Variants in FGF1 observed in about 807,000 individuals in gnomAD.
The protein encoded by FGF1 is fibroblast growth factor 1.
FGF1 carries 9 observed loss-of-function variants against 13.4 expected under a neutral mutation model. That is an observed-to-expected ratio of 0.67 (90% CI 0.40 to 1.17). The LOEUF (loss-of-function observed/expected upper bound fraction) is 1.17. Ranked by LOEUF, FGF1 falls within the 50% of genes most tolerant of loss-of-function variation. The probability of loss-of-function intolerance (pLI) is 0.01; values close to 1 mark genes in which losing one functional copy is unlikely to be tolerated. For missense variants in FGF1, 156 were observed against 192.7 expected (o/e 0.81, Z 1.13); for synonymous variants, 93 against 79.0 (o/e 1.18, Z -0.94).
At position 142,663,579 on chromosome 5, in the gene FGF1, G is replaced by A. The variant is rs755979091; in HGVS notation, c.-35+22378C>T. On this transcript the variant is annotated intron_variant, in intron 1 of 3. Coordinates refer to ENST00000337706, the MANE Select transcript of FGF1 (RefSeq NM_000800.5). ...GAGACAGAAGGCAAGAAGATACTCC[G>A]TGATGACCCGAGTTGAGAAACCAAG... Among the ~76,000 whole-genome samples, 5 of 152,328 alleles carry A rather than the reference G, an allele frequency of 3.3e-5. 1 individual carries two copies. In the South Asian group the frequency reaches 8.3e-4, roughly 25 times the overall value.
At chr5:142,669,094 C>T (rs1269416109) in intron 1 of FGF1, among the ~76,000 whole-genome samples, 2 of 152,236 alleles carry the variant, frequency 1.3e-5, no homozygotes, top group Non-Finnish European at 2.9e-5. Flanking sequence ...TTCAGGGACA[C>T]ACAGGGTTAG....
chr5:142,614,630 A>G (rs1759821900), intron 1 of FGF1, among the ~76,000 whole-genome samples: 1 of 152,130 alleles, frequency 6.6e-6, no homozygotes, highest in African/African-American at 2.4e-5. Flanking sequence ...AGCAGATAGC[A>G]CAGATGGCCT....
In FGF1 at chr5:142,613,990, C is replaced by A; in HGVS notation, c.138G>T (p.Val46=). The change falls in exon 2 of 4, where the codon GTG becomes GTT. Residue 46 remains valine (V), a synonymous_variant. Coordinates refer to ENST00000337706, the MANE Select transcript of FGF1 (RefSeq NM_000800.5). ...HFLRILPDGT[V]DGTRDRSDQH... ...GGTCGCTCCTGTCCCTTGTCCCATC[C>A]ACTGTGCCATCCGGAAGGATCCTCA... is the stretch of plus-strand genomic sequence containing the variant. 1.2e-6 allele frequency: 2 copies of A among 1,614,096 alleles called. No homozygotes were observed. Among genetic ancestry groups the A allele is most frequent in the African/African-American group, 1.3e-5 (1 of 75,022 alleles).
Position 142,592,312 on chromosome 5 carries a change from A to G in FGF1, c.*2978T>C, listed in dbSNP as rs960602189. 2.5e-5 allele frequency: 10 copies of G among 398,462 alleles called. No individual in the cohort carries two copies. Among genetic ancestry groups the G allele is most frequent in the Non-Finnish European group, 4.0e-5 (9 of 226,010 alleles). 24.7% of individuals were successfully genotyped at this position (398,462 alleles called of 1,614,324 possible). On this transcript the variant is annotated 3_prime_UTR_variant, in exon 4 of 4. Coordinates refer to ENST00000337706, the MANE Select transcript of FGF1 (RefSeq NM_000800.5). Reference sequence around the variant, plus strand: ...CTGTGAGTTTAGTTGTCAGCAGTACACTCAAGGCTGAGGACTTGGCGCCTT... The same window carrying G: ...CTGTGAGTTTAGTTGTCAGCAGTACGCTCAAGGCTGAGGACTTGGCGCCTT...
intron 1 of FGF1, among the ~76,000 whole-genome samples, chr5:142,651,338 G>C (rs1220513174): frequency 6.6e-6 from 1 of 152,108 alleles, no homozygotes; most frequent in Non-Finnish European, 1.5e-5. Context: ...CTTTTTATTT[G>C]AAATTCATAG....
chr5:142,643,263 A>G (rs1364274712), intron 1 of FGF1, among the ~76,000 whole-genome samples: 1 of 151,960 alleles, frequency 6.6e-6, no homozygotes, highest in Non-Finnish European at 1.5e-5. Flanking sequence ...AGACAGTATC[A>G]CCATATATGC....
chr5:142,608,009 A>G (rs1277472982), intron 2 of FGF1, among the ~76,000 whole-genome samples: 1 of 152,182 alleles, frequency 6.6e-6, no homozygotes, highest in Non-Finnish European at 1.5e-5. Context: ...AAGAATAGCA[A>G]TCCCTTACTT....
At chr5:142,606,926 T>C (rs1757812967) in intron 2 of FGF1, among the ~76,000 whole-genome samples, 1 of 152,250 alleles carries the variant, frequency 6.6e-6, no homozygotes, top group Non-Finnish European at 1.5e-5. Context: ...TTTTACTACG[T>C]ATGCATGAAC....
intron 1 of FGF1, among the ~76,000 whole-genome samples, chr5:142,641,835 T>A (rs554846262): frequency 6.6e-6 from 1 of 152,058 alleles, no homozygotes; most frequent in East Asian, 1.9e-4. Flanking sequence ...TATGATTCCA[T>A]TTTTACAGAT....
upstream of FGF1, among the ~76,000 whole-genome samples, chr5:142,690,165 C>G (rs944515794): frequency 6.6e-6 from 1 of 150,570 alleles, no homozygotes; most frequent in Non-Finnish European, 1.5e-5. Context: ...ACTAAAAATA[C>G]AAAAAATTAG....
In FGF1 at chr5:142,669,783, T is replaced by C. The variant is rs148560464; in HGVS notation, c.-35+16174A>G. On this transcript the variant is annotated intron_variant, in intron 1 of 3. Transcript: ENST00000337706. Reference sequence around the variant, plus strand: ...GGAGAAGCAGAGCAGAGGGGAAAGATGAGATCTGCAAGGAAGAACAGCCTG... The same window carrying C: ...GGAGAAGCAGAGCAGAGGGGAAAGACGAGATCTGCAAGGAAGAACAGCCTG... Among the ~76,000 whole-genome samples, 183 of 152,050 alleles carry C rather than the reference T, an allele frequency of 1.2e-3. 1 individual carries two copies. The highest frequency in any genetic ancestry group is 6.2e-3 in the East Asian group (32 of 5,156).
intron 2 of FGF1, chr5:142,697,583 G>A (rs1397678649): frequency 6.6e-6 from 1 of 152,280 alleles, no homozygotes; most frequent in African/African-American, 2.4e-5. Flanking sequence ...CAGAAAGTCT[G>A]TAGCAATCTG....
At chr5:142,673,453 C>T (rs1053847183) in intron 1 of FGF1, among the ~76,000 whole-genome samples, 1 of 152,178 alleles carries the variant, frequency 6.6e-6, no homozygotes, top group Non-Finnish European at 1.5e-5. Flanking sequence ...TGTTTGGAAA[C>T]GTAATAAATA....
chr5:142,684,905 A>G (rs905756156), intron 1 of FGF1, among the ~76,000 whole-genome samples: 1 of 151,858 alleles, frequency 6.6e-6, no homozygotes, highest in African/African-American at 2.4e-5. Flanking sequence ...ATGAAAGGAA[A>G]AGTGCCAGTC....
chr5:142,672,697 G>C (rs1259558088), intron 1 of FGF1, among the ~76,000 whole-genome samples: 2 of 152,046 alleles, frequency 1.3e-5, no homozygotes, highest in African/African-American at 4.8e-5. Flanking sequence ...TAGAGATGGG[G>C]TTTCACCCTG....
At chr5:142,605,320 C>G (rs1186071385) in intron 2 of FGF1, among the ~76,000 whole-genome samples, 3 of 143,396 alleles carry the variant, frequency 2.1e-5, no homozygotes. Flanking sequence ...AGGGTTTCAT[C>G]ATGTTGGCCA....
chr5:142,650,517 A>G (rs1469886226), intron 1 of FGF1, among the ~76,000 whole-genome samples: 1 of 152,232 alleles, frequency 6.6e-6, no homozygotes, highest in Non-Finnish European at 1.5e-5. Context: ...TAAGAAGATC[A>G]AATGATTTAA....
chr5:142,664,094 G>A (rs1199205482), intron 1 of FGF1, among the ~76,000 whole-genome samples: 1 of 152,218 alleles, frequency 6.6e-6, no homozygotes. Context: ...CACCCCTAAA[G>A]TCCAGGGGGA....
intron 1 of FGF1, chr5:142,680,874 AC>A (rs1241152038): frequency 6.6e-6 from 1 of 152,208 alleles, no homozygotes; most frequent in African/African-American, 2.4e-5. Context: ...CAACAGAATT[AC>A]CTAGGCCCCA....
Sources: allele counts gnomAD v4.1 joint callset (sites outside exome capture counted in the v4.1 genomes callset), GRCh38; gene constraint gnomAD v4.1.1; transcripts MANE v1.5; gene names NCBI Gene and HGNC (gene_info 2026-07-23, HGNC 2026-07-21).